The following GREB1L variants were observed in gnomAD, a reference collection of about 807,000 sequenced individuals.
GREB1L encodes the protein GREB1 like retinoic acid receptor coactivator.
Under a neutral mutation model 200.8 loss-of-function variants are expected in GREB1L, and 17 were observed. The ratio of observed to expected loss-of-function variants is 0.08; its 90% CI spans 0.06 to 0.13. GREB1L has a LOEUF of 0.13. Among genes scored for constraint, GREB1L ranks in the 10% least tolerant of loss-of-function variants. GREB1L has a pLI of 1.00. For synonymous variants in GREB1L, 789 were observed against 893.0 expected (o/e 0.88, Z 2.08); for missense variants, 1,657 against 2,367.7 (o/e 0.70, Z 6.23).
chr18:21,346,434 A>G (rs144053289), intron 1 of GREB1L, among the ~76,000 whole-genome samples: 373 of 151,832 alleles, frequency 2.5e-3, no homozygotes, highest in Non-Finnish European at 4.2e-3. Flanking sequence ...TCTTTTATCT[A>G]TAGGATCTAG....
intron 1 of GREB1L, among the ~76,000 whole-genome samples, chr18:21,307,846 G>A (rs1254124672): frequency 6.6e-6 from 1 of 152,150 alleles, no homozygotes; most frequent in East Asian, 1.9e-4. Flanking sequence ...CTAAGGTCAT[G>A]GTTCTTCCCT....
chr18:21,457,970 T>TG (rs1017903368), intron 15 of GREB1L, among the ~76,000 whole-genome samples: 2 of 150,444 alleles, frequency 1.3e-5, no homozygotes, highest in African/African-American at 4.9e-5. Context: ...GACAGTTTTT[T>TG]TTTTTTTTTT....
chr18:21,512,197 C>T lies in GREB1L; in HGVS notation c.4736-1624C>T, dbSNP rs145433370. 3.9e-4 allele frequency among the ~76,000 whole-genome samples: 59 copies of T among 152,284 alleles called. 1 individual carries two copies. The East Asian group carries it at 0.011, about 28-fold the overall frequency. On this transcript the variant is annotated intron_variant, in intron 27 of 32. Coordinates refer to ENST00000424526, the MANE Select transcript of GREB1L (RefSeq NM_001142966.3). ...GGGTCCCCTGAGATACTGGATGAAT[C>T]GCAGGATAGATTTTTCTATTTCTGC...
At chr18:21,517,998 A>T in intron 30 of GREB1L, 36 bp from the exon 31 acceptor site, 1 of 1,502,080 alleles carries the variant, frequency 6.7e-7, no homozygotes, top group East Asian at 2.5e-5. Context: ...CCAGTGACAG[A>T]CAAGTTTCCC....
At chr18:21,412,707 G>A (rs2031196224) in intron 7 of GREB1L, among the ~76,000 whole-genome samples, 1 of 152,088 alleles carries the variant, frequency 6.6e-6, no homozygotes, top group Non-Finnish European at 1.5e-5. Flanking sequence ...ATTTTGTTTT[G>A]TTTTGTTTTG....
chr18:21,457,422 G>A (rs911004594), intron 15 of GREB1L, among the ~76,000 whole-genome samples: 8 of 152,042 alleles, frequency 5.3e-5, no homozygotes, highest in Non-Finnish European at 1.2e-4. Flanking sequence ...CCTTTATTTT[G>A]TTATAAAAAC....
intron 1 of GREB1L, among the ~76,000 whole-genome samples, chr18:21,293,991 A>G (rs1238980218): frequency 2.0e-5 from 3 of 152,222 alleles, no homozygotes; most frequent in Non-Finnish European, 4.4e-5. Flanking sequence ...CATGTTGGCT[A>G]GGCTGGTCTT....
chr18:21,514,629 T>A (rs966460608), intron 28 of GREB1L, among the ~76,000 whole-genome samples: 1 of 152,210 alleles, frequency 6.6e-6, no homozygotes, highest in African/African-American at 2.4e-5. Flanking sequence ...TTATAATTTT[T>A]TGTAGAGATG....
In GREB1L at chr18:21,447,471, G is replaced by A. The variant is rs370638034; in HGVS notation, c.1394-2039G>A. Reference sequence around the variant, plus strand: ...AAACTGTATAAAAGCGAGCTTTAAGGCAACAAAGGATGTTGTGAACATGTT... The same window carrying A: ...AAACTGTATAAAAGCGAGCTTTAAGACAACAAAGGATGTTGTGAACATGTT... On this transcript the variant is annotated intron_variant, in intron 11 of 32. Coordinates refer to ENST00000424526, the MANE Select transcript of GREB1L (RefSeq NM_001142966.3). Among the ~76,000 whole-genome samples the A allele has an allele frequency of 2.0e-4, 31 of 152,232 alleles. No individual in the cohort carries two copies. In the East Asian group the frequency reaches 3.9e-3, roughly 19 times the overall value.
At chr18:21,520,183 C>A (rs1052017574) in intron 31 of GREB1L, among the ~76,000 whole-genome samples, 1 of 152,218 alleles carries the variant, frequency 6.6e-6, no homozygotes, top group Non-Finnish European at 1.5e-5. Context: ...TCAGATGATC[C>A]ATCCACCTCG....
intron 19 of GREB1L, among the ~76,000 whole-genome samples, chr18:21,492,704 A>T (rs1305068898): frequency 6.6e-6 from 1 of 152,194 alleles, no homozygotes; most frequent in African/African-American, 2.4e-5. Context: ...GCCCTAAACG[A>T]AGGGGGCCTC....
At chr18:21,444,471 T>C in intron 11 of GREB1L, 62 bp downstream of exon 11, 2 of 1,314,774 alleles carry the variant, frequency 1.5e-6, no homozygotes, top group East Asian at 5.0e-5. Flanking sequence ...GTGATGTACT[T>C]TTTCTTTCTT....
chr18:21,361,420 T>C (rs1391067613), intron 1 of GREB1L, among the ~76,000 whole-genome samples: 4 of 152,114 alleles, frequency 2.6e-5, no homozygotes, highest in Non-Finnish European at 4.4e-5. Context: ...GAATTGTTTC[T>C]AAGGTATTGC....
intron 7 of GREB1L, among the ~76,000 whole-genome samples, chr18:21,413,219 C>G (rs1247055395): frequency 6.6e-6 from 1 of 152,184 alleles, no homozygotes; most frequent in Non-Finnish European, 1.5e-5. Flanking sequence ...CTAACCTAGG[C>G]CTACCCTGCT....
intron 9 of GREB1L, among the ~76,000 whole-genome samples, chr18:21,440,950 A>G (rs1172254800): frequency 6.6e-6 from 1 of 152,254 alleles, no homozygotes; most frequent in Non-Finnish European, 1.5e-5. Context: ...TTTAAAGACT[A>G]CATAGACATC....
At chr18:21,254,339 G>T (rs2037767200) in intron 1 of GREB1L, among the ~76,000 whole-genome samples, 2 of 151,978 alleles carry the variant, frequency 1.3e-5, no homozygotes, top group South Asian at 4.2e-4. Flanking sequence ...CAAAATGCTG[G>T]ATTACACACA....
intron 1 of GREB1L, among the ~76,000 whole-genome samples, chr18:21,298,463 G>A (rs1210966811): frequency 6.6e-6 from 1 of 152,132 alleles, no homozygotes; most frequent in Non-Finnish European, 1.5e-5. Context: ...TACATGGTAA[G>A]CACCTTGAGG....
chr18:21,464,352 T>C (rs1381387177), intron 15 of GREB1L, among the ~76,000 whole-genome samples: 1 of 152,000 alleles, frequency 6.6e-6, no homozygotes, highest in Non-Finnish European at 1.5e-5. Flanking sequence ...CTACCATTTA[T>C]AGTAGAGATA....
At chr18:21,399,578 G>A in intron 5 of GREB1L, among the ~76,000 whole-genome samples, 1 of 152,034 alleles carries the variant, frequency 6.6e-6, no homozygotes, top group East Asian at 1.9e-4. Flanking sequence ...TTGGCGGGGA[G>A]GGGCTACTGC....
Sources: allele counts gnomAD v4.1 joint callset (sites outside exome capture counted in the v4.1 genomes callset), GRCh38; gene constraint gnomAD v4.1.1; transcripts MANE v1.5; gene names NCBI Gene and HGNC (gene_info 2026-07-23, HGNC 2026-07-21).